LAMA2: variants seen among roughly 807,000 people sequenced by gnomAD.
LAMA2 encodes the protein laminin subunit alpha 2.
In LAMA2, 269 loss-of-function variants were observed where a neutral mutation model predicts 364.8. The observed-to-expected ratio is 0.74, with a 90% CI of 0.67 to 0.82. The LOEUF is 0.82. Among genes scored for constraint, LAMA2 ranks in the 40% least tolerant of loss-of-function variants. LAMA2 has a pLI of 0.00. For missense variants in LAMA2, 3,807 were observed against 3,873.2 expected (o/e 0.98, Z 0.45); for synonymous variants, 1,379 against 1,370.6 (o/e 1.01, Z -0.14).
At chr6:129,367,867 T>C (rs1777862219) in intron 33 of LAMA2, among the ~76,000 whole-genome samples, 1 of 152,216 alleles carries the variant, frequency 6.6e-6, no homozygotes. Context: ...CAAATTTATA[T>C]GTTGAAAGTC....
intron 40 of LAMA2, among the ~76,000 whole-genome samples, chr6:129,413,814 T>C (rs1780655566): frequency 6.6e-6 from 1 of 152,002 alleles, no homozygotes; most frequent in South Asian, 2.1e-4. Context: ...TAGGCAAGGG[T>C]AAGAACTGAT....
chr6:129,077,054 T>A (rs1177623303), intron 3 of LAMA2, among the ~76,000 whole-genome samples: 2 of 152,128 alleles, frequency 1.3e-5, no homozygotes, highest in Admixed American at 6.6e-5. Flanking sequence ...CAGTAAATAG[T>A]CAATTTAGTT....
intron 12 of LAMA2, among the ~76,000 whole-genome samples, chr6:129,219,945 T>A (rs1490205570): frequency 1.3e-5 from 2 of 151,462 alleles, no homozygotes; most frequent in South Asian, 2.1e-4. Context: ...ATGGTGCACA[T>A]GTACCCTAAA....
At position 129,497,746 on chromosome 6, in the gene LAMA2, A is replaced by AAT. The variant is rs1357009052; in HGVS notation, c.8245-4913_8245-4912insAT. Among the ~76,000 whole-genome samples, 12 of 152,334 alleles carry AAT rather than the reference A, an allele frequency of 7.9e-5. No individual in the cohort carries two copies. The East Asian group carries it at 2.1e-3, about 27-fold the overall frequency. ...ATGAGGACAACATTCACTATACTAC[A>AAT]GGGCAATGTAAGGGTGTCTTGAGAA... On this transcript the variant is annotated intron_variant, in intron 58 of 64. Transcript: ENST00000421865.
chr6:129,105,395 G>C (rs1264664220), intron 4 of LAMA2, among the ~76,000 whole-genome samples: 1 of 152,110 alleles, frequency 6.6e-6, no homozygotes, highest in Non-Finnish European at 1.5e-5. Flanking sequence ...TGAGAACTTG[G>C]CTTTACTTGG....
chr6:128,996,325 A>G (rs1020636422), intron 1 of LAMA2, among the ~76,000 whole-genome samples: 2 of 152,158 alleles, frequency 1.3e-5, no homozygotes, highest in African/African-American at 2.4e-5. Flanking sequence ...GAGAGAAACT[A>G]TCATCAGAGT....
At chr6:128,920,669 C>CATAT (rs373223795) in intron 1 of LAMA2, among the ~76,000 whole-genome samples, 4 of 148,800 alleles carry the variant, frequency 2.7e-5, no homozygotes, top group African/African-American at 7.5e-5. Flanking sequence ...ACAGACATTA[C>CATAT]ATATATATAT....
At chr6:129,108,069 A>G (rs1364689131) in intron 4 of LAMA2, among the ~76,000 whole-genome samples, 2 of 141,334 alleles carry the variant, frequency 1.4e-5, no homozygotes, top group Non-Finnish European at 3.0e-5. Flanking sequence ...CTTCATTTTT[A>G]TATCTAATAG....
intron 7 of LAMA2, among the ~76,000 whole-genome samples, chr6:129,151,246 A>G (rs1369092130): frequency 6.6e-6 from 1 of 152,196 alleles, no homozygotes; most frequent in Non-Finnish European, 1.5e-5. Flanking sequence ...GGTTTTACAT[A>G]TAGTAGCTCA....
intron 37 of LAMA2, among the ~76,000 whole-genome samples, chr6:129,399,708 A>G (rs1779857244): frequency 6.6e-6 from 1 of 152,154 alleles, no homozygotes; most frequent in Admixed American, 6.5e-5. Flanking sequence ...GGAAGAGCAC[A>G]TAGTGGGAAT....
chr6:129,165,359 A>C (rs1347526481), intron 8 of LAMA2, among the ~76,000 whole-genome samples: 1 of 152,156 alleles, frequency 6.6e-6, no homozygotes, highest in African/African-American at 2.4e-5. Flanking sequence ...ACAAATATAT[A>C]GGAATTTATT....
At chr6:129,275,752 T>A (rs11154470) in intron 17 of LAMA2, among the ~76,000 whole-genome samples, 1,615 of 151,368 alleles carry the variant, frequency 0.011, 15 homozygotes, top group African/African-American at 0.033. Context: ...CAAAGTTTTT[T>A]AAAAAATTAA....
chr6:129,090,985 C>A (rs879500582), intron 3 of LAMA2, among the ~76,000 whole-genome samples: 1 of 152,066 alleles, frequency 6.6e-6, no homozygotes, highest in Non-Finnish European at 1.5e-5. Context: ...CAATAAATCC[C>A]GCCATTCATT....
At chr6:129,182,500 G>A (rs1226270537) in intron 10 of LAMA2, among the ~76,000 whole-genome samples, 1 of 151,706 alleles carries the variant, frequency 6.6e-6, no homozygotes, top group Non-Finnish European at 1.5e-5. Context: ...AAAATAAATT[G>A]TAGTGTTTCC....
chr6:129,311,143 A>G (rs1168936245), intron 22 of LAMA2, among the ~76,000 whole-genome samples: 1 of 150,934 alleles, frequency 6.6e-6, no homozygotes, highest in Non-Finnish European at 1.5e-5. Context: ...TTTTTTTTAG[A>G]CAGAGCCTTG....
At chr6:129,374,889 T>C (rs1282994519) in intron 34 of LAMA2, among the ~76,000 whole-genome samples, 4 of 151,882 alleles carry the variant, frequency 2.6e-5, no homozygotes, top group Non-Finnish European at 5.9e-5. Flanking sequence ...CCAGCACTAC[T>C]GCCAATCTTT....
intron 24 of LAMA2, 69 bp downstream of exon 24, chr6:129,314,867 A>C: frequency 1.3e-6 from 2 of 1,543,870 alleles, no homozygotes; most frequent in Non-Finnish European, 8.9e-7. Flanking sequence ...TTAGTCAGGC[A>C]CTGAGGGGTA....
chr6:129,216,643 AATT>A (rs1231982898), intron 12 of LAMA2, among the ~76,000 whole-genome samples: 2 of 152,178 alleles, frequency 1.3e-5, no homozygotes, highest in Non-Finnish European at 2.9e-5. Context: ...TCTTAAAGAA[AATT>A]ATTATATCTT....
At chr6:129,105,003 C>T (rs903834795) in intron 4 of LAMA2, among the ~76,000 whole-genome samples, 2 of 152,126 alleles carry the variant, frequency 1.3e-5, no homozygotes, top group Non-Finnish European at 2.9e-5. Flanking sequence ...CTGGGTATGT[C>T]GTTATCCAGG....
Sources: allele counts gnomAD v4.1 joint callset (sites outside exome capture counted in the v4.1 genomes callset), GRCh38; gene constraint gnomAD v4.1.1; transcripts MANE v1.5; gene names NCBI Gene and HGNC (gene_info 2026-07-23, HGNC 2026-07-21).